GNAZ: variants seen among roughly 807,000 people sequenced by gnomAD.
The protein encoded by GNAZ is G protein subunit alpha z, also known as guanine nucleotide-binding protein G(z) subunit alpha.
In GNAZ, 3 loss-of-function variants were observed where a neutral mutation model predicts 25.4. That is an observed-to-expected ratio of 0.12 (90% CI 0.05 to 0.30). The LOEUF is 0.30. Among genes scored for constraint, GNAZ ranks in the 10% least tolerant of loss-of-function variants. The pLI is 1.00. For synonymous variants in GNAZ, 211 were observed against 205.7 expected (o/e 1.03, Z -0.22); for missense variants, 241 against 501.8 (o/e 0.48, Z 4.97).
At chr22:23,074,827 G>C (rs1446221481) in intron 1 of GNAZ, among the ~76,000 whole-genome samples, 4 of 152,154 alleles carry the variant, frequency 2.6e-5, no homozygotes, top group African/African-American at 7.2e-5. Context: ...CCCAGGGACT[G>C]AGCAATGCAG....
At chr22:23,075,665 C>A in intron 1 of GNAZ, among the ~76,000 whole-genome samples, 1 of 152,228 alleles carries the variant, frequency 6.6e-6, no homozygotes, top group Admixed American at 6.5e-5. Flanking sequence ...GGGCCTTACA[C>A]ATAGTGTCAA....
intron 1 of GNAZ, among the ~76,000 whole-genome samples, chr22:23,094,363 G>A (rs2069065268): frequency 1.3e-5 from 2 of 152,060 alleles, no homozygotes; most frequent in South Asian, 2.1e-4. Context: ...ATCCTAGGGT[G>A]TGCCCCTCCC....
rs564009320 is a variant in GNAZ at position 23,078,019 on chromosome 22, C to T, written c.-450+7449C>T. Among the ~76,000 whole-genome samples the T allele has an allele frequency of 2.0e-5, 3 of 152,348 alleles. No homozygotes were observed. In the South Asian group the frequency reaches 6.2e-4, roughly 32 times the overall value. ...GTCCCTCTGGCCTTAGCTGCCCCAGCTGCATGTGGCCTCAGGCCAGCCCCA... is the reference window on the plus strand; with the variant it reads ...GTCCCTCTGGCCTTAGCTGCCCCAGTTGCATGTGGCCTCAGGCCAGCCCCA... On this transcript the variant is annotated intron_variant, in intron 1 of 2. Coordinates refer to ENST00000615612, the MANE Select transcript of GNAZ (RefSeq NM_002073.4).
In GNAZ at chr22:23,073,840, C is replaced by G. The variant is rs140548192; in HGVS notation, c.-450+3270C>G. Reference sequence around the variant, plus strand: ...GGACGTAGCATCCACTCACAGTGCTCACACCAGACGGGCAGGGGTTGACAG... The same window carrying G: ...GGACGTAGCATCCACTCACAGTGCTGACACCAGACGGGCAGGGGTTGACAG... On this transcript the variant is annotated intron_variant, in intron 1 of 2. Coordinates refer to ENST00000615612, the MANE Select transcript of GNAZ (RefSeq NM_002073.4). Among the ~76,000 whole-genome samples the G allele has an allele frequency of 1.7e-3, 257 of 152,052 alleles. 1 individual carries two copies. The highest frequency in any genetic ancestry group is 0.01 in the Middle Eastern group (3 of 294).
intron 2 of GNAZ, among the ~76,000 whole-genome samples, chr22:23,116,303 A>T (rs1176846099): frequency 6.6e-6 from 1 of 152,224 alleles, no homozygotes; most frequent in Non-Finnish European, 1.5e-5. Flanking sequence ...GTGCAGAGGG[A>T]AAAAGACACC....
At chr22:23,100,804 C>T (rs995144432) in intron 2 of GNAZ, among the ~76,000 whole-genome samples, 4 of 152,202 alleles carry the variant, frequency 2.6e-5, no homozygotes, top group African/African-American at 7.2e-5. Context: ...CTGGGACACT[C>T]AGCCCTTCCC....
At chr22:23,078,914 G>T (rs543514114) in intron 1 of GNAZ, among the ~76,000 whole-genome samples, 1 of 152,212 alleles carries the variant, frequency 6.6e-6, no homozygotes, top group Admixed American at 6.5e-5. Flanking sequence ...GTGGGCGGGG[G>T]CTGTGCGTCT....
chr22:23,095,922 A>G lies in GNAZ; in HGVS notation c.227A>G (p.Asn76Ser). ...GAGTACAAGCCCCTCATCATCTACAATGCCATCGACTCGCTGACCCGCATC... is the reference window on the plus strand; with the variant it reads ...GAGTACAAGCCCCTCATCATCTACAGTGCCATCGACTCGCTGACCCGCATC... The part of the protein sequence containing the change: ...CKEYKPLIIY[N>S]AIDSLTRIIR... Residue 76 changes from asparagine (N) to serine (S), a missense_variant, in exon 2 of 3, where the codon AAT becomes AGT. Physicochemically the swap from Asn to Ser is conservative, Grantham distance 46. Coordinates refer to ENST00000615612, the MANE Select transcript of GNAZ (RefSeq NM_002073.4). The G allele has an allele frequency of 6.2e-7, 1 of 1,613,448 alleles. No homozygotes were observed. Among genetic ancestry groups the G allele is most frequent in the African/African-American group, 1.3e-5 (1 of 75,060 alleles).
rs143475223 is a variant in GNAZ at position 23,095,935 on chromosome 22, G to A, written c.240G>A (p.Ser80=). ...TCATCATCTACAATGCCATCGACTC[G>A]CTGACCCGCATCATCCGGGCCCTGG... The part of the protein sequence containing the change: ...KPLIIYNAID[S]LTRIIRALAA... The change falls in exon 2 of 3, where the codon TCG becomes TCA. Residue 80 remains serine, a synonymous_variant. Transcript: ENST00000615612. 6.4e-5 allele frequency: 103 copies of A among 1,612,936 alleles called. 1 individual carries two copies. The highest frequency in any genetic ancestry group is 5.7e-4 in the African/African-American group (43 of 75,056).
intron 1 of GNAZ, among the ~76,000 whole-genome samples, chr22:23,089,457 A>G (rs2032504709): frequency 6.6e-6 from 1 of 152,152 alleles, no homozygotes; most frequent in African/African-American, 2.4e-5. Context: ...CTCTATGCCT[A>G]GCAGCAGGCT....
In GNAZ at chr22:23,123,557, G is replaced by C; in HGVS notation, c.*126G>C. 1.6e-6 allele frequency: 1 copy of C among 627,230 alleles called. No homozygotes were observed. The highest frequency in any genetic ancestry group is 2.0e-5 in the South Asian group (1 of 51,196). 38.9% of individuals were successfully genotyped at this position (627,230 alleles called of 1,614,324 possible). Reference sequence around the variant, plus strand: ...CCTAAAGAATGTCCCCCACCCCTTGGCCTCTGCCTCCTTGGCCCCACATTT... The same window carrying C: ...CCTAAAGAATGTCCCCCACCCCTTGCCCTCTGCCTCCTTGGCCCCACATTT... On this transcript the variant is annotated 3_prime_UTR_variant, in exon 3 of 3. Coordinates refer to ENST00000615612, the MANE Select transcript of GNAZ (RefSeq NM_002073.4).
intron 2 of GNAZ, among the ~76,000 whole-genome samples, chr22:23,113,916 T>G (rs1036558472): frequency 6.6e-6 from 1 of 152,254 alleles, no homozygotes; most frequent in Non-Finnish European, 1.5e-5. Flanking sequence ...TTGGTCACTG[T>G]GTCAGCAGTG....
At chr22:23,084,059 G>A (rs1453007925) in intron 1 of GNAZ, among the ~76,000 whole-genome samples, 1 of 152,168 alleles carries the variant, frequency 6.6e-6, no homozygotes, top group Non-Finnish European at 1.5e-5. Flanking sequence ...GAGCTATGCA[G>A]GCGATCTTTC....
intron 1 of GNAZ, among the ~76,000 whole-genome samples, chr22:23,076,722 G>T (rs972665824): frequency 3.3e-5 from 5 of 152,322 alleles, no homozygotes; most frequent in Middle Eastern, 6.8e-3. Flanking sequence ...CATGTCTATG[G>T]AAAACTGTCC....
chr22:23,092,318 C>T (rs1367445536), intron 1 of GNAZ, among the ~76,000 whole-genome samples: 1 of 152,156 alleles, frequency 6.6e-6, no homozygotes, highest in Non-Finnish European at 1.5e-5. Context: ...CAGCCAGGCT[C>T]CCAACGCAAG....
intron 2 of GNAZ, among the ~76,000 whole-genome samples, chr22:23,116,071 G>C (rs1164835660): frequency 2.6e-5 from 4 of 152,270 alleles, no homozygotes; most frequent in South Asian, 4.1e-4. Context: ...ACAGGTGCCA[G>C]CCTCTGTCAT....
chr22:23,124,411 G>T lies in GNAZ; in HGVS notation c.*980G>T, dbSNP rs569163504. On this transcript the variant is annotated 3_prime_UTR_variant, in exon 3 of 3. Transcript: ENST00000615612. Reference sequence around the variant, plus strand: ...TGTCTCTCTGCTCCAAAGAAATTTTGGAGTGAGTGGCAGTCCTGCGCCAGC... The same window carrying T: ...TGTCTCTCTGCTCCAAAGAAATTTTTGAGTGAGTGGCAGTCCTGCGCCAGC... 233 of 469,844 alleles carry T rather than the reference G, an allele frequency of 5.0e-4. No homozygotes were observed. The highest frequency in any genetic ancestry group is 5.5e-4 in the Non-Finnish European group (125 of 226,234). 29.1% of individuals were successfully genotyped at this position (469,844 alleles called of 1,614,324 possible). A position where few individuals can be genotyped will look rare whatever the true frequency, so the allele number is the denominator to read the frequency against.
At chr22:23,099,961 A>T (rs191344467) in intron 2 of GNAZ, among the ~76,000 whole-genome samples, 1 of 152,354 alleles carries the variant, frequency 6.6e-6, no homozygotes, top group East Asian at 1.9e-4. Flanking sequence ...ATGGTGTGGG[A>T]TCCTTCAGAA....
chr22:23,089,280 G>A (rs1045517781), intron 1 of GNAZ, among the ~76,000 whole-genome samples: 1 of 152,192 alleles, frequency 6.6e-6, no homozygotes, highest in Non-Finnish European at 1.5e-5. Context: ...TGCCTCAGCC[G>A]GGGGCACTGA....
Sources: gnomAD v4.1 joint callset for allele counts (sites outside exome capture counted in the v4.1 genomes callset) on GRCh38, gnomAD v4.1.1 for gene constraint, MANE v1.5 for transcripts, NCBI Gene and HGNC (gene_info 2026-07-23, HGNC 2026-07-21) for gene names.